CRMP1: variants seen among roughly 807,000 people sequenced by gnomAD.
The protein encoded by CRMP1 is dihydropyrimidinase-related protein 1.
Under a neutral mutation model 68.3 loss-of-function variants are expected in CRMP1, and 19 were observed. The observed-to-expected ratio is 0.28, with a 90% CI of 0.19 to 0.41. The LOEUF (loss-of-function observed/expected upper bound fraction) is 0.41, where lower values mean the gene tolerates loss of function less well. Among genes scored for constraint, CRMP1 ranks in the 10% least tolerant of loss-of-function variants. The probability of loss-of-function intolerance (pLI) is 1.00; values close to 1 mark genes in which losing one functional copy is unlikely to be tolerated. For synonymous variants in CRMP1, 439 were observed against 399.6 expected, an observed-to-expected ratio of 1.10 and a Z score of -1.18; for missense variants, 791 against 967.4, an observed-to-expected ratio of 0.82 and a Z score of 2.42.
Position 5,892,503 on chromosome 4 carries a change from C to T in CRMP1, c.381+86G>A. On this transcript the variant is annotated intron_variant, in intron 1 of 13. Transcript: ENST00000324989. This position sits in a 1 kb window ranked among gnomAD's most constrained non-coding sequence, Gnocchi z 8.6. The stretch of plus-strand genomic sequence containing the variant: ...GGCGGCCGCTGCCCCAACACCGGGG[C>T]CCGGGCATGGCCCTCGGGCGCCCCA... 1.8e-6 allele frequency: 2 copies of T among 1,131,126 alleles called. No individual in the cohort carries two copies. Among genetic ancestry groups the T allele is most frequent in the East Asian group, 4.3e-5 (1 of 23,204 alleles). The allele number at this position is 1,131,126 out of a possible 1,614,324, so 70.1% of individuals were successfully genotyped here. A position where few individuals can be genotyped will look rare whatever the true frequency, so the allele number is the denominator to read the frequency against.
At chr4:5,827,995 T>A (rs950046969) in intron 12 of CRMP1, 1 of 974,770 alleles carries the variant, frequency 1.0e-6, no homozygotes, top group Non-Finnish European at 1.2e-6. Flanking sequence ...GGCAGAAACG[T>A]CAAGGGAGGA....
In CRMP1 at chr4:5,877,245, T is replaced by C. The variant is rs78419694; in HGVS notation, c.382-10489A>G. Reference sequence around the variant, plus strand: ...ACCTATTGCCATAAATAAATATTGGTTGCTGTAAGGCACAGAGTCTAGAGG... The same window carrying C: ...ACCTATTGCCATAAATAAATATTGGCTGCTGTAAGGCACAGAGTCTAGAGG... On this transcript the variant is annotated intron_variant, in intron 1 of 13. Transcript: ENST00000324989. This position sits in a 1 kb window ranked among gnomAD's most constrained non-coding sequence, Gnocchi z 4.3. Among the ~76,000 whole-genome samples, 366 of 152,324 alleles carry C rather than the reference T, an allele frequency of 2.4e-3. 1 individual carries two copies. The highest frequency in any genetic ancestry group is 8.2e-3 in the African/African-American group (339 of 41,574).
At chr4:5,828,398 T>C (rs1405362468) in intron 12 of CRMP1, 91 bp downstream of exon 12, 1 of 1,505,586 alleles carries the variant, frequency 6.6e-7, no homozygotes, top group Non-Finnish European at 8.9e-7. Flanking sequence ...GATGACATTA[T>C]TAACTCTGCA....
Position 5,825,453 on chromosome 4 carries a change from T to A in CRMP1, c.1969+41A>T. 1 of 1,531,292 alleles carries A rather than the reference T, an allele frequency of 6.5e-7. No homozygotes were observed. The highest frequency in any genetic ancestry group is 8.7e-7 in the Non-Finnish European group (1 of 1,147,536). 94.9% of individuals were successfully genotyped at this position (1,531,292 alleles called of 1,614,324 possible). On this transcript the variant is annotated intron_variant, in intron 13 of 13. Transcript: ENST00000324989. This position sits in a 1 kb window ranked among gnomAD's most constrained non-coding sequence, Gnocchi z 4.4. ...GCAGCAGGAAGGACTCGGCCTGAAC[T>A]GCTGCAATTGTGGGGAGCCTGGGCC...
Position 5,843,889 on chromosome 4 carries a change from C to T in CRMP1, c.964-728G>A, listed in dbSNP as rs1419245987. ...TATCATATAACCTTGAAATGGTTCCCTGGGCTGATGGCCTAGATTCAAATC... is the reference window on the plus strand; with the variant it reads ...TATCATATAACCTTGAAATGGTTCCTTGGGCTGATGGCCTAGATTCAAATC... On this transcript the variant is annotated intron_variant, in intron 6 of 13. Coordinates refer to ENST00000324989, the MANE Select transcript of CRMP1 (RefSeq NM_001014809.3). The surrounding 1 kb of genome is among the most constrained non-coding windows in gnomAD (Gnocchi z 4.1). Among the ~76,000 whole-genome samples the T allele has an allele frequency of 6.6e-6, 1 of 152,122 alleles. No homozygotes were observed. Among genetic ancestry groups the T allele is most frequent in the Non-Finnish European group, 1.5e-5 (1 of 68,038 alleles).
intron 11 of CRMP1, among the ~76,000 whole-genome samples, chr4:5,830,926 G>T (rs1720333158): frequency 6.6e-6 from 1 of 152,110 alleles, no homozygotes; most frequent in South Asian, 2.1e-4. Context: ...AAAAGTCCCT[G>T]AATTTATGTA....
rs1715919673 is a variant in CRMP1 at position 5,891,104 on chromosome 4, AG to A, written c.381+1484del. Among the ~76,000 whole-genome samples the A allele has an allele frequency of 6.7e-6, 1 of 149,882 alleles. No individual in the cohort carries two copies. The highest frequency in any genetic ancestry group is 6.6e-5 in the Admixed American group (1 of 15,050). ...GGTAGTGGACAGGGGGAGATACAGA[AG>A]GGGTGGGGGAAGAGGAAGCTGGACT... On this transcript the variant is annotated intron_variant, in intron 1 of 13. Coordinates refer to ENST00000324989, the MANE Select transcript of CRMP1 (RefSeq NM_001014809.3). This position sits in a 1 kb window ranked among gnomAD's most constrained non-coding sequence, Gnocchi z 5.2.
Position 5,821,679 on chromosome 4 carries a change from T to G in CRMP1, c.*81A>C, listed in dbSNP as rs892339784. Reference sequence around the variant, plus strand: ...CCTCCATCAGCACCAACTAAAACTGTGGGTTTCAAAAACACTGACAGGAAA... The same window carrying G: ...CCTCCATCAGCACCAACTAAAACTGGGGGTTTCAAAAACACTGACAGGAAA... On this transcript the variant is annotated 3_prime_UTR_variant, in exon 14 of 14. Coordinates refer to ENST00000324989, the MANE Select transcript of CRMP1 (RefSeq NM_001014809.3). The surrounding 1 kb of genome is among the most constrained non-coding windows in gnomAD (Gnocchi z 4.4). 6.7e-6 allele frequency: 9 copies of G among 1,345,954 alleles called. No individual in the cohort carries two copies. Among genetic ancestry groups the G allele is most frequent in the Admixed American group, 2.1e-5 (1 of 48,010 alleles). 83.4% of individuals were successfully genotyped at this position (1,345,954 alleles called of 1,614,324 possible).
rs1367858182 is a variant in CRMP1, at chr4:5,842,606, ACACACACACACTCACT to A, written c.1032+471_1032+486del. On this transcript the variant is annotated intron_variant, in intron 7 of 13. Coordinates refer to ENST00000324989, the MANE Select transcript of CRMP1 (RefSeq NM_001014809.3). This position sits in a 1 kb window ranked among gnomAD's most constrained non-coding sequence, Gnocchi z 4.5. ...CACACTCACACACTCTCTCACACAC[ACACACACACACTCACT>A]CACACACACACACACGCACTGTCTC... Among the ~76,000 whole-genome samples the A allele has an allele frequency of 6.6e-6, 1 of 150,634 alleles. No individual in the cohort carries two copies. The highest frequency in any genetic ancestry group is 1.5e-5 in the Non-Finnish European group (1 of 67,638).
rs1439984461 is a variant in CRMP1, at chr4:5,833,902, C to T, written c.1623+2013G>A. On this transcript the variant is annotated intron_variant, in intron 11 of 13. Coordinates refer to ENST00000324989, the MANE Select transcript of CRMP1 (RefSeq NM_001014809.3). ...ACTAAAAATACAAAACAAAATTAGC[C>T]GGGCGTGGTGGCAGGCACCTGTAGT... Among the ~76,000 whole-genome samples, 6 of 152,210 alleles carry T rather than the reference C, an allele frequency of 3.9e-5. No homozygotes were observed. The East Asian group carries it at 1.2e-3, about 30-fold the overall frequency.
Position 5,853,270 on chromosome 4 carries a change from G to A in CRMP1, c.821-1801C>T, listed in dbSNP as rs566820615. ...TCTACTAAAAATACAAAAATTAGCC[G>A]GGTGTGGTGGCAGGTGCCTGTAATC... is the stretch of plus-strand genomic sequence containing the variant. On this transcript the variant is annotated intron_variant, in intron 4 of 13. Transcript: ENST00000324989. This position sits in a 1 kb window ranked among gnomAD's most constrained non-coding sequence, Gnocchi z 4.7. Among the ~76,000 whole-genome samples the A allele has an allele frequency of 3.3e-5, 5 of 152,220 alleles. No homozygotes were observed. In the South Asian group the frequency reaches 6.2e-4, roughly 19 times the overall value.
chr4:5,868,261 C>CCATATATATATATATATA (rs1714138968), intron 1 of CRMP1, among the ~76,000 whole-genome samples: 1 of 111,472 alleles, frequency 9.0e-6, no homozygotes, highest in Non-Finnish European at 1.8e-5. Context: ...GACTATATAT[C>CCATATATATATATATATA]TATATATATA....
At chr4:5,831,211 T>A (rs1366768157) in intron 11 of CRMP1, among the ~76,000 whole-genome samples, 2 of 152,192 alleles carry the variant, frequency 1.3e-5, no homozygotes, top group East Asian at 3.9e-4. Flanking sequence ...CCTCCCAAAG[T>A]GCTGGGTTTA....
Position 5,841,305 on chromosome 4 carries a change from T to A in CRMP1, c.1153+3A>T. ...CCCAGAAGGCCCAGGGCCGGCTGCA[T>A]ACCTTTCTTCCTGGCCAGAGCGATG... On this transcript the variant is annotated splice_donor_region_variant and intron_variant, in intron 8 of 13. Coordinates refer to ENST00000324989, the MANE Select transcript of CRMP1 (RefSeq NM_001014809.3). This position sits in a 1 kb window ranked among gnomAD's most constrained non-coding sequence, Gnocchi z 6.9. 5 of 1,613,666 alleles carry A rather than the reference T, an allele frequency of 3.1e-6. No individual in the cohort carries two copies. Among genetic ancestry groups the A allele is most frequent in the Non-Finnish European group, 4.2e-6 (5 of 1,179,856 alleles).
At chr4:5,847,306 A>G (rs957397189) in intron 6 of CRMP1, among the ~76,000 whole-genome samples, 7 of 152,274 alleles carry the variant, frequency 4.6e-5, no homozygotes, top group Admixed American at 1.3e-4. Context: ...GGTTTGGATG[A>G]TGAGATTCCA....
intron 8 of CRMP1, among the ~76,000 whole-genome samples, chr4:5,840,240 G>T (rs1003533905): frequency 6.6e-6 from 1 of 152,214 alleles, no homozygotes; most frequent in Non-Finnish European, 1.5e-5. Flanking sequence ...AAAGGGAGTT[G>T]GATGTGTTTC....
At chr4:5,837,044 G>C in intron 9 of CRMP1, 138 bp from the exon 10 acceptor site, 4 of 955,092 alleles carry the variant, frequency 4.2e-6, no homozygotes, top group Non-Finnish European at 6.1e-6. Flanking sequence ...AGACTCTCTA[G>C]CGTGTGCCTG....
Position 5,889,169 on chromosome 4 carries a change from A to G in CRMP1, c.381+3420T>C, listed in dbSNP as rs910753935. On this transcript the variant is annotated intron_variant, in intron 1 of 13. Transcript: ENST00000324989. This position sits in a 1 kb window ranked among gnomAD's most constrained non-coding sequence, Gnocchi z 4.5. ...GAACCAGCCCTCCCTGGGGGCCTCT[A>G]AGGTGGAGCCCCCTAACTGGCAGAG... Among the ~76,000 whole-genome samples, 4 of 152,024 alleles carry G rather than the reference A, an allele frequency of 2.6e-5. No homozygotes were observed. The highest frequency in any genetic ancestry group is 6.5e-5 in the Admixed American group (1 of 15,282).
chr4:5,873,104 A>G (rs1714572372), intron 1 of CRMP1, among the ~76,000 whole-genome samples: 1 of 152,220 alleles, frequency 6.6e-6, no homozygotes, highest in Non-Finnish European at 1.5e-5. Context: ...GGGTGTAAGC[A>G]GCTTAAATGC....
Sources: gnomAD v4.1 joint callset for allele counts (sites outside exome capture counted in the v4.1 genomes callset) on GRCh38, gnomAD v4.1.1 for gene constraint, Gnocchi (gnomAD v3.1) non-coding constraint, MANE v1.5 for transcripts, NCBI Gene and HGNC (gene_info 2026-07-23, HGNC 2026-07-21) for gene names.